The following ZFR variants were observed in gnomAD, a reference collection of about 807,000 sequenced individuals.
The protein encoded by ZFR is zinc finger RNA binding protein, also known as zinc finger RNA-binding protein.
A neutral mutation model predicts 130.7 loss-of-function variants in ZFR; 19 were observed. The ratio of observed to expected loss-of-function variants is 0.15; its 90% CI spans 0.10 to 0.21. The LOEUF (loss-of-function observed/expected upper bound fraction) is 0.21, where lower values mean the gene tolerates loss of function less well. Ranked by LOEUF, ZFR falls within the 10% of genes least tolerant of loss-of-function variation. The pLI, the probability that ZFR is intolerant of heterozygous loss-of-function variation, is 1.00. For missense variants in ZFR, 872 were observed against 1,321.5 expected (o/e 0.66, Z 5.27); for synonymous variants, 466 against 456.9 (o/e 1.02, Z -0.25).
chr5:32,410,975 GA>G (rs1753693448), intron 5 of ZFR, among the ~76,000 whole-genome samples: 1 of 152,204 alleles, frequency 6.6e-6, no homozygotes, highest in South Asian at 2.1e-4. Context: ...TACATGTAAG[GA>G]TGTTCTACCT....
intron 17 of ZFR, among the ~76,000 whole-genome samples, chr5:32,370,625 C>G (rs750348003): frequency 6.6e-6 from 1 of 152,158 alleles, no homozygotes; most frequent in Non-Finnish European, 1.5e-5. Flanking sequence ...GACCTTCCCA[C>G]CTTGGCTTCC....
intron 17 of ZFR, among the ~76,000 whole-genome samples, chr5:32,372,113 T>C (rs1035430616): frequency 2.0e-5 from 3 of 152,216 alleles, no homozygotes; most frequent in Non-Finnish European, 2.9e-5. Flanking sequence ...CAGGAGAGTG[T>C]AGCCTACATT....
rs3811974 is a variant in ZFR, at chr5:32,387,177, T to A, written c.2499+372A>T. Among the ~76,000 whole-genome samples the A allele has an allele frequency of 1.0e-3, 159 of 152,142 alleles. 4 individuals carry two copies. In the East Asian group the frequency reaches 0.03, roughly 28 times the overall value. On this transcript the variant is annotated intron_variant, in intron 14 of 19. Coordinates refer to ENST00000265069, the MANE Select transcript of ZFR (RefSeq NM_016107.5). ...GCATTAAACTAAATAGGCAAGAGAT[T>A]CATGAATTAAAAAAATTTAACCTTG...
intron 19 of ZFR, among the ~76,000 whole-genome samples, chr5:32,357,440 AT>A (rs1232804849): frequency 6.6e-6 from 1 of 151,692 alleles, no homozygotes; most frequent in Non-Finnish European, 1.5e-5. Context: ...TAACTTTTGT[AT>A]TTTTAGTAGA....
Position 32,408,046 on chromosome 5 carries a change from GCTTT to G in ZFR, c.785-1029_785-1026del, listed in dbSNP as rs577780478. On this transcript the variant is annotated intron_variant, in intron 5 of 19. Transcript: ENST00000265069. ...ATCTTTAGCCCACCTTTCAGTGCATGCTTTATTTTTATAACTAAGTAGTAAGTTA... is the reference window on the plus strand; with the variant it reads ...ATCTTTAGCCCACCTTTCAGTGCATGATTTTTATAACTAAGTAGTAAGTTA... 8.6e-3 allele frequency among the ~76,000 whole-genome samples: 1,308 copies of G among 152,164 alleles called. 23 individuals are homozygous for G. The highest frequency in any genetic ancestry group is 0.03 in the African/African-American group (1,245 of 41,508).
At chr5:32,370,075 C>T (rs922142817) in intron 17 of ZFR, among the ~76,000 whole-genome samples, 1 of 148,776 alleles carries the variant, frequency 6.7e-6, no homozygotes, top group Non-Finnish European at 1.5e-5. Context: ...CAACATTAAT[C>T]AATACAGTGG....
chr5:32,367,863 A>C (rs1267592354), intron 17 of ZFR, among the ~76,000 whole-genome samples: 1 of 152,230 alleles, frequency 6.6e-6, no homozygotes, highest in Non-Finnish European at 1.5e-5. Flanking sequence ...ATTTAATTCA[A>C]GATGGAAAAA....
At chr5:32,373,298 CAGG>C (rs1752718789) in intron 17 of ZFR, among the ~76,000 whole-genome samples, 1 of 152,114 alleles carries the variant, frequency 6.6e-6, no homozygotes, top group Admixed American at 6.5e-5. Context: ...GATGCTAACA[CAGG>C]AGAATTGCTT....
chr5:32,389,699 A>G (rs983172771), intron 12 of ZFR, among the ~76,000 whole-genome samples: 1 of 152,246 alleles, frequency 6.6e-6, no homozygotes, highest in Non-Finnish European at 1.5e-5. Context: ...CAAGAGTCTC[A>G]TGTGAAAGAA....
chr5:32,384,157 T>G (rs1158825047), intron 15 of ZFR, among the ~76,000 whole-genome samples: 3 of 152,304 alleles, frequency 2.0e-5, no homozygotes, highest in Non-Finnish European at 4.4e-5. Flanking sequence ...TAAAGTTAAA[T>G]GGTTATCATT....
intron 5 of ZFR, among the ~76,000 whole-genome samples, chr5:32,413,569 A>T (rs1753756915): frequency 6.6e-6 from 1 of 152,094 alleles, no homozygotes; most frequent in Non-Finnish European, 1.5e-5. Flanking sequence ...TACTGTATAG[A>T]CAACCAGAGA....
chr5:32,440,804 A>G (rs1479644186), intron 2 of ZFR, among the ~76,000 whole-genome samples: 3 of 152,242 alleles, frequency 2.0e-5, no homozygotes, highest in Non-Finnish European at 2.9e-5. Flanking sequence ...AGTTACTAGT[A>G]GCCATACTTG....
At chr5:32,409,433 AT>A (rs771076512) in intron 5 of ZFR, among the ~76,000 whole-genome samples, 39 of 138,250 alleles carry the variant, frequency 2.8e-4, no homozygotes, top group African/African-American at 3.7e-4. Flanking sequence ...CCACCCCCCC[AT>A]TTTTTTTTTT....
chr5:32,415,523 C>CGCGCGCGT (rs1554073623), intron 4 of ZFR, among the ~76,000 whole-genome samples: 14,130 of 131,948 alleles, frequency 0.11, 771 homozygotes, highest in East Asian at 0.18. Flanking sequence ...TGTGCGCGCG[C>CGCGCGCGT]GCGCGCGCGC....
At chr5:32,394,314 G>A (rs1753247026) in intron 11 of ZFR, 1 of 168,258 alleles carries the variant, frequency 5.9e-6, no homozygotes, top group Non-Finnish European at 1.5e-5. Context: ...GTTACAATCT[G>A]GATGAACCAT....
At chr5:32,392,139 C>G (rs1481247044) in intron 11 of ZFR, among the ~76,000 whole-genome samples, 2 of 152,230 alleles carry the variant, frequency 1.3e-5, no homozygotes, top group Non-Finnish European at 2.9e-5. Context: ...CTTAAACGTT[C>G]TGGAAAATCC....
chr5:32,403,092 A>C lies in ZFR; in HGVS notation c.1516+14T>G. 6.2e-7 allele frequency: 1 copy of C among 1,610,720 alleles called. No homozygotes were observed. Among genetic ancestry groups the C allele is most frequent in the Non-Finnish European group, 8.5e-7 (1 of 1,177,896 alleles). On this transcript the variant is annotated intron_variant, in intron 8 of 19. Coordinates refer to ENST00000265069, the MANE Select transcript of ZFR (RefSeq NM_016107.5). Reference sequence around the variant, plus strand: ...TTGACAGAGTCAGCAGGGACAGAGAATATCAGTACTTGCCAACAAAATTTA... The same window carrying C: ...TTGACAGAGTCAGCAGGGACAGAGACTATCAGTACTTGCCAACAAAATTTA...
chr5:32,356,456 A>C (rs1019033195), intron 19 of ZFR, among the ~76,000 whole-genome samples: 5 of 152,192 alleles, frequency 3.3e-5, no homozygotes, highest in African/African-American at 7.2e-5. Flanking sequence ...TCTGTTGCCC[A>C]GGCTGGAGTG....
chr5:32,432,830 G>A (rs1754253585), intron 2 of ZFR, among the ~76,000 whole-genome samples: 1 of 151,576 alleles, frequency 6.6e-6, no homozygotes, highest in African/African-American at 2.4e-5. Context: ...CCCAGCTCAC[G>A]TGATCCTCCT....
Sources: allele counts gnomAD v4.1 joint callset (sites outside exome capture counted in the v4.1 genomes callset), GRCh38; gene constraint gnomAD v4.1.1; transcripts MANE v1.5; gene names NCBI Gene and HGNC (gene_info 2026-07-23, HGNC 2026-07-21).